The following CACNA1E variants were observed in gnomAD, a reference collection of about 807,000 sequenced individuals.
CACNA1E encodes voltage-dependent R-type calcium channel subunit alpha-1E.
CACNA1E carries 40 observed loss-of-function variants against 259.2 expected under a neutral mutation model. The observed-to-expected ratio is 0.15, with a 90% CI of 0.12 to 0.20. The LOEUF (loss-of-function observed/expected upper bound fraction) is 0.20, where lower values mean the gene tolerates loss of function less well. Among genes scored for constraint, CACNA1E ranks in the 10% least tolerant of loss-of-function variants. The probability of loss-of-function intolerance (pLI) is 1.00; values close to 1 mark genes in which losing one functional copy is unlikely to be tolerated. For missense variants in CACNA1E, 1,874 were observed against 3,040.1 expected (o/e 0.62, Z 9.02); for synonymous variants, 1,104 against 1,138.5 (o/e 0.97, Z 0.61).
At chr1:181,797,357 A>C (rs1344369074) in intron 47 of CACNA1E, among the ~76,000 whole-genome samples, 1 of 152,198 alleles carries the variant, frequency 6.6e-6, no homozygotes, top group African/African-American at 2.4e-5. Context: ...TCAGATCTGT[A>C]TGAAAACATT....
At chr1:181,403,348 TCTA>T (rs1657237451) in intron 1 of CACNA1E, among the ~76,000 whole-genome samples, 1 of 151,590 alleles carries the variant, frequency 6.6e-6, no homozygotes. Flanking sequence ...GGAGGTGGTG[TCTA>T]GTATGACCCC....
intron 2 of CACNA1E, among the ~76,000 whole-genome samples, chr1:181,425,588 A>G (rs1364551632): frequency 1.4e-5 from 2 of 139,986 alleles, no homozygotes; most frequent in East Asian, 4.3e-4. Flanking sequence ...CACCGATGAA[A>G]AGACCTTTAA....
chr1:181,574,144 G>C (rs1650704816), intron 3 of CACNA1E, among the ~76,000 whole-genome samples: 2 of 152,190 alleles, frequency 1.3e-5, no homozygotes, highest in South Asian at 4.1e-4. Flanking sequence ...TGTGGGGAGA[G>C]GGGAAGGGAG....
chr1:181,487,022 GA>G (rs749516455), intron 1 of CACNA1E, among the ~76,000 whole-genome samples: 1 of 135,992 alleles, frequency 7.4e-6, no homozygotes, highest in African/African-American at 2.8e-5. Context: ...GTAAGTGCCA[GA>G]TTTTTTTTTT....
chr1:181,750,522 A>G, intron 26 of CACNA1E, 35 bp downstream of exon 26: 1 of 1,604,652 alleles, frequency 6.2e-7, no homozygotes, highest in Non-Finnish European at 8.5e-7. Context: ...AGTAAACGAT[A>G]CAAGGAATGA....
intron 6 of CACNA1E, among the ~76,000 whole-genome samples, chr1:181,629,049 G>T (rs1171147131): frequency 6.6e-6 from 1 of 152,204 alleles, no homozygotes; most frequent in Non-Finnish European, 1.5e-5. Context: ...AATCCTAGGA[G>T]TACAGAGAAG....
At chr1:181,681,611 A>G (rs1558260276) in intron 7 of CACNA1E, among the ~76,000 whole-genome samples, 1 of 118,540 alleles carries the variant, frequency 8.4e-6, no homozygotes, top group African/African-American at 2.9e-5. Flanking sequence ...CCCTTATGTA[A>G]AAACCTTAGA....
chr1:181,399,233 G>C (rs1215173345), intron 1 of CACNA1E, among the ~76,000 whole-genome samples: 1 of 148,710 alleles, frequency 6.7e-6, no homozygotes, highest in Non-Finnish European at 1.5e-5. Flanking sequence ...TTTTTTTAAA[G>C]GAAAAGAGGT....
chr1:181,344,648 G>A (rs1652448412), intron 1 of CACNA1E, among the ~76,000 whole-genome samples: 1 of 152,174 alleles, frequency 6.6e-6, no homozygotes, highest in Admixed American at 6.5e-5. Flanking sequence ...AAGGACAGTG[G>A]AATTACACTG....
intron 3 of CACNA1E, among the ~76,000 whole-genome samples, chr1:181,525,351 A>T (rs928066232): frequency 6.6e-6 from 1 of 152,256 alleles, no homozygotes; most frequent in East Asian, 1.9e-4. Flanking sequence ...TTGACACACT[A>T]CATGCTGGTG....
rs1659491212 is a variant in CACNA1E, at chr1:181,771,346, C to T, written c.4935C>T (p.Asn1645=). 1 of 1,603,638 alleles carries T rather than the reference C, an allele frequency of 6.2e-7. No individual in the cohort carries two copies. The highest frequency in any genetic ancestry group is 1.7e-5 in the Admixed American group (1 of 59,156). Residue 1645 remains asparagine, a synonymous_variant, in exon 36 of 48, where the codon AAC becomes AAT. Transcript: ENST00000367573. The stretch of plus-strand genomic sequence containing the variant: ...AGAGTCACATCAACCGGCACAACAA[C>T]TTCCGGAGTTTCTTTGGGTCCCTAA... ...DEESHINRHN[N]FRSFFGSLML... is the part of the protein sequence containing the mutation.
At chr1:181,492,351 G>A (rs1664389661) in intron 1 of CACNA1E, among the ~76,000 whole-genome samples, 1 of 152,096 alleles carries the variant, frequency 6.6e-6, no homozygotes, top group Admixed American at 6.5e-5. Flanking sequence ...AGCTTTGTGT[G>A]ATTTATAATT....
intron 2 of CACNA1E, among the ~76,000 whole-genome samples, chr1:181,463,678 T>C (rs1382820347): frequency 6.6e-6 from 1 of 152,190 alleles, no homozygotes; most frequent in East Asian, 1.9e-4. Context: ...GTTTTTCTTA[T>C]GATTTCTGAG....
intron 20 of CACNA1E, 37 bp from the exon 21 acceptor site, chr1:181,733,400 G>C (rs767416343): frequency 6.8e-7 from 1 of 1,471,582 alleles, no homozygotes; most frequent in Non-Finnish European, 9.1e-7. Context: ...TGGGGACAGC[G>C]TCTGAGCACC....
chr1:181,785,047 T>C (rs1275908235), intron 41 of CACNA1E, among the ~76,000 whole-genome samples: 2 of 152,056 alleles, frequency 1.3e-5, no homozygotes, highest in East Asian at 3.9e-4. Flanking sequence ...AGATTTAGAA[T>C]GGTAGGCGTG....
chr1:181,621,737 A>C (rs1387004815), intron 6 of CACNA1E, among the ~76,000 whole-genome samples: 1 of 152,182 alleles, frequency 6.6e-6, no homozygotes, highest in African/African-American at 2.4e-5. Flanking sequence ...TTTTTTTACT[A>C]CAACCCTATG....
At position 181,580,720 on chromosome 1, in the gene CACNA1E, G is replaced by C. The variant is rs1176568796; in HGVS notation, c.895G>C (p.Val299Leu). The C allele has an allele frequency of 6.2e-7, 1 of 1,613,938 alleles. No individual in the cohort carries two copies. The change falls in exon 6 of 48, where the codon GTG becomes CTG. Residue 299 changes from valine (V) to leucine (L), a missense_variant. Physicochemically the swap from Val to Leu is conservative, Grantham distance 32. Transcript: ENST00000367573. ...CCAGTTTGATAACATCCTTTTTGCT[G>C]TGCTGACTGTCTTCCAGTGCATCAC... is the stretch of plus-strand genomic sequence containing the variant. ...ITQFDNILFA[V>L]LTVFQCITME...
intron 1 of CACNA1E, among the ~76,000 whole-genome samples, chr1:181,343,898 C>T (rs879731593): frequency 2.6e-5 from 4 of 152,134 alleles, no homozygotes; most frequent in Non-Finnish European, 4.4e-5. Flanking sequence ...TCTGCCTCCC[C>T]GGCTTCTCCT....
At chr1:181,678,984 A>G (rs149473021) in intron 7 of CACNA1E, among the ~76,000 whole-genome samples, 2,474 of 152,284 alleles carry the variant, frequency 0.016, 36 homozygotes, top group Admixed American at 0.03. Context: ...GAGCCTCTAG[A>G]TAACTACAAA....
Sources: gnomAD v4.1 joint callset for allele counts (sites outside exome capture counted in the v4.1 genomes callset) on GRCh38, gnomAD v4.1.1 for gene constraint, MANE v1.5 for transcripts, NCBI Gene and HGNC (gene_info 2026-07-23, HGNC 2026-07-21) for gene names.